The following ADGRB3 variants were observed in gnomAD, a reference collection of about 807,000 sequenced individuals.
The protein encoded by ADGRB3 is adhesion G protein-coupled receptor B3.
ADGRB3 carries 37 observed loss-of-function variants against 193.4 expected under a neutral mutation model. The ratio of observed to expected loss-of-function variants is 0.19; its 90% CI spans 0.15 to 0.25. ADGRB3 has a LOEUF of 0.25. Ranked by LOEUF, ADGRB3 falls within the 10% of genes least tolerant of loss-of-function variation. The pLI is 1.00. For synonymous variants in ADGRB3, 690 were observed against 644.2 expected (o/e 1.07, Z -1.08); for missense variants, 1,637 against 1,852.9 (o/e 0.88, Z 2.14).
At chr6:68,996,402 T>C (rs1481828362) in intron 11 of ADGRB3, among the ~76,000 whole-genome samples, 5 of 152,172 alleles carry the variant, frequency 3.3e-5, no homozygotes, top group Non-Finnish European at 7.3e-5. Flanking sequence ...ATAGAACAGC[T>C]CTGATTATGT....
chr6:68,944,849 CA>C lies in ADGRB3; in HGVS notation c.1195+858del, dbSNP rs574521935. Among the ~76,000 whole-genome samples, 175 of 152,226 alleles carry C rather than the reference CA, an allele frequency of 1.1e-3. 6 individuals carry two copies. The South Asian group carries it at 0.036, about 31-fold the overall frequency. On this transcript the variant is annotated intron_variant, in intron 6 of 31. Coordinates refer to ENST00000370598, the MANE Select transcript of ADGRB3 (RefSeq NM_001704.3). ...AGAGATAGACATGAATGGATAATTG[CA>C]AAGGCTAAGATGGCAAAGATCAGTA... is the stretch of plus-strand genomic sequence containing the variant.
At chr6:69,382,099 A>G (rs1396508950) in intron 30 of ADGRB3, among the ~76,000 whole-genome samples, 1 of 151,850 alleles carries the variant, frequency 6.6e-6, no homozygotes, top group Admixed American at 6.6e-5. Context: ...GTTATGGTGA[A>G]GTTGAGAGAA....
chr6:69,325,576 G>C (rs1040945690), intron 21 of ADGRB3, among the ~76,000 whole-genome samples: 3 of 152,136 alleles, frequency 2.0e-5, no homozygotes, highest in Non-Finnish European at 2.9e-5. Flanking sequence ...TTATTAAGAA[G>C]TTTCTCTCAA....
At chr6:69,111,519 C>T (rs986616885) in intron 17 of ADGRB3, among the ~76,000 whole-genome samples, 1 of 152,166 alleles carries the variant, frequency 6.6e-6, no homozygotes, top group Non-Finnish European at 1.5e-5. Flanking sequence ...AGTACGGAAG[C>T]CTCATAGAGA....
chr6:68,690,754 T>G (rs1314304099), intron 3 of ADGRB3, among the ~76,000 whole-genome samples: 1 of 152,140 alleles, frequency 6.6e-6, no homozygotes, highest in Non-Finnish European at 1.5e-5. Flanking sequence ...TACAATTATA[T>G]GGGTTAAACC....
At chr6:69,185,038 T>C (rs1765040054) in intron 17 of ADGRB3, among the ~76,000 whole-genome samples, 1 of 152,152 alleles carries the variant, frequency 6.6e-6, no homozygotes, top group African/African-American at 2.4e-5. Flanking sequence ...ACATCCTTAA[T>C]TCATTATATT....
At chr6:69,343,528 T>G (rs1438530271) in intron 26 of ADGRB3, among the ~76,000 whole-genome samples, 2 of 152,162 alleles carry the variant, frequency 1.3e-5, no homozygotes, top group Admixed American at 1.3e-4. Flanking sequence ...TGATTTACTC[T>G]GTCCTGCCAA....
intron 13 of ADGRB3, among the ~76,000 whole-genome samples, chr6:69,038,005 G>A (rs892007415): frequency 3.9e-5 from 6 of 152,136 alleles, no homozygotes; most frequent in Non-Finnish European, 7.4e-5. Flanking sequence ...TTTCACAGGT[G>A]TATTTGTTCA....
intron 17 of ADGRB3, among the ~76,000 whole-genome samples, chr6:69,165,431 C>G (rs955698665): frequency 6.6e-6 from 1 of 151,734 alleles, no homozygotes; most frequent in Admixed American, 6.6e-5. Context: ...TACACCCCGG[C>G]AAAACAATTG....
intron 20 of ADGRB3, among the ~76,000 whole-genome samples, chr6:69,244,240 TG>T (rs1390650380): frequency 2.6e-5 from 4 of 151,890 alleles, no homozygotes; most frequent in Admixed American, 6.6e-5. Flanking sequence ...CTTCATCTTG[TG>T]GTTATTTACC....
chr6:68,928,865 G>A (rs1767256470), intron 3 of ADGRB3, among the ~76,000 whole-genome samples: 1 of 152,232 alleles, frequency 6.6e-6, no homozygotes, highest in South Asian at 2.1e-4. Flanking sequence ...ATAAGGTGAA[G>A]CATACTGTTG....
intron 3 of ADGRB3, among the ~76,000 whole-genome samples, chr6:68,696,643 A>G (rs1582130247): frequency 6.6e-6 from 1 of 152,018 alleles, no homozygotes; most frequent in Middle Eastern, 3.4e-3. Flanking sequence ...ACAAATTTAT[A>G]TAATTTTTTC....
At chr6:69,041,537 C>CA (rs1322523031) in intron 13 of ADGRB3, among the ~76,000 whole-genome samples, 2 of 152,036 alleles carry the variant, frequency 1.3e-5, no homozygotes, top group Non-Finnish European at 2.9e-5. Context: ...CCACACAGTG[C>CA]AAAATCACAG....
intron 3 of ADGRB3, among the ~76,000 whole-genome samples, chr6:68,653,813 G>C (rs901652603): frequency 1.3e-5 from 2 of 151,664 alleles, no homozygotes; most frequent in African/African-American, 4.8e-5. Flanking sequence ...TTCTCTTTTT[G>C]TCCTTCCTTT....
chr6:69,340,128 T>C (rs1361095034), intron 26 of ADGRB3, among the ~76,000 whole-genome samples: 1 of 152,146 alleles, frequency 6.6e-6, no homozygotes. Context: ...ACTGTAGAGG[T>C]ATTATCATAT....
intron 20 of ADGRB3, among the ~76,000 whole-genome samples, chr6:69,287,230 G>A (rs1283968065): frequency 6.6e-6 from 1 of 152,100 alleles, no homozygotes; most frequent in East Asian, 1.9e-4. Context: ...CAATTTCTGA[G>A]TCCACTCTGT....
chr6:68,757,172 C>G (rs9351735), intron 3 of ADGRB3, among the ~76,000 whole-genome samples: 40,219 of 151,986 alleles, frequency 0.26, 5,929 homozygotes, highest in Middle Eastern at 0.34. Context: ...CACTCAACTC[C>G]TTTCTGAGCA....
At chr6:69,018,576 G>C in intron 13 of ADGRB3, 77 bp downstream of exon 13, 2 of 878,572 alleles carry the variant, frequency 2.3e-6, no homozygotes, top group Non-Finnish European at 3.6e-6. Context: ...ACGTTTCCAA[G>C]TATAATATTC....
intron 3 of ADGRB3, among the ~76,000 whole-genome samples, chr6:68,679,214 T>C (rs1764834996): frequency 6.6e-6 from 1 of 152,208 alleles, no homozygotes. Context: ...TGTTTGCTGC[T>C]GTAATAAACC....
Sources: allele counts gnomAD v4.1 joint callset (sites outside exome capture counted in the v4.1 genomes callset), GRCh38; gene constraint gnomAD v4.1.1; transcripts MANE v1.5; gene names NCBI Gene and HGNC (gene_info 2026-07-23, HGNC 2026-07-21).